Variants in RBFOX1 observed in about 807,000 individuals in gnomAD.
RBFOX1 encodes the protein RNA binding protein fox-1 homolog 1.
A neutral mutation model predicts 57.7 loss-of-function variants in RBFOX1; 8 were observed. That is an observed-to-expected ratio of 0.14 (90% CI 0.08 to 0.25). The LOEUF (loss-of-function observed/expected upper bound fraction) is 0.25, where lower values mean the gene tolerates loss of function less well. Among genes scored for constraint, RBFOX1 ranks in the 10% least tolerant of loss-of-function variants. RBFOX1 has a pLI of 1.00. For synonymous variants in RBFOX1, 326 were observed against 222.4 expected (o/e 1.47, Z -4.15); for missense variants, 611 against 548.5 (o/e 1.11, Z -1.14).
intron 2 of RBFOX1, among the ~76,000 whole-genome samples, chr16:5,541,388 G>T (rs1371087512): frequency 6.6e-6 from 1 of 152,066 alleles, no homozygotes; most frequent in Non-Finnish European, 1.5e-5. Context: ...GCCCAAGGTA[G>T]TCGGGGCACA....
At chr16:6,181,341 CAA>C (rs957481193) in intron 1 of RBFOX1, among the ~76,000 whole-genome samples, 5 of 152,144 alleles carry the variant, frequency 3.3e-5, no homozygotes, top group African/African-American at 4.8e-5. Context: ...TCTAGAATAC[CAA>C]AGAGTCCCAC....
intron 1 of RBFOX1, among the ~76,000 whole-genome samples, chr16:6,212,441 C>T (rs1318757167): frequency 6.6e-6 from 1 of 152,002 alleles, no homozygotes; most frequent in Non-Finnish European, 1.5e-5. Context: ...TGTTTTGGCT[C>T]ACCCCTGTAA....
At chr16:7,557,011 C>A (rs2088750522) in intron 5 of RBFOX1, among the ~76,000 whole-genome samples, 1 of 152,106 alleles carries the variant, frequency 6.6e-6, no homozygotes, top group African/African-American at 2.4e-5. Flanking sequence ...CATGAAACAC[C>A]AATTATATCA....
chr16:5,744,906 G>A (rs1343014682), intron 3 of RBFOX1, among the ~76,000 whole-genome samples: 2 of 152,062 alleles, frequency 1.3e-5, no homozygotes, highest in African/African-American at 4.8e-5. Flanking sequence ...CAAAGTAGCG[G>A]GGATTACAGG....
intron 4 of RBFOX1, among the ~76,000 whole-genome samples, chr16:7,265,509 C>G (rs763838445): frequency 6.6e-6 from 1 of 151,950 alleles, no homozygotes; most frequent in Non-Finnish European, 1.5e-5. Flanking sequence ...AGTGCAGTGG[C>G]ACGATCTCAG....
chr16:6,974,963 A>G (rs905219055), intron 3 of RBFOX1, among the ~76,000 whole-genome samples: 5 of 152,194 alleles, frequency 3.3e-5, no homozygotes, highest in Non-Finnish European at 2.9e-5. Context: ...TTCTAAAAGA[A>G]TCTTCCTCTG....
At chr16:5,500,225 C>CCGTTA (rs553655405) in intron 2 of RBFOX1, among the ~76,000 whole-genome samples, 259 of 145,854 alleles carry the variant, frequency 1.8e-3, no homozygotes, top group African/African-American at 6.1e-3. Flanking sequence ...CCGTTCCGTT[C>CCGTTA]CGTTCCATTC....
exon 1 of RBFOX1, chr16:5,239,945 G>C (rs2333772): frequency 6.6e-7 from 1 of 1,526,246 alleles, no homozygotes; most frequent in Non-Finnish European, 8.8e-7. Context: ...AGGGATGGCC[G>C]GCCCAGGAGG....
intron 3 of RBFOX1, among the ~76,000 whole-genome samples, chr16:6,942,578 G>A (rs766820503): frequency 6.6e-6 from 1 of 152,212 alleles, no homozygotes; most frequent in East Asian, 1.9e-4. Context: ...GTAGACTAAG[G>A]CAAGTGATTG....
At chr16:6,788,173 G>C (rs964448107) in intron 3 of RBFOX1, among the ~76,000 whole-genome samples, 1 of 152,146 alleles carries the variant, frequency 6.6e-6, no homozygotes, top group Non-Finnish European at 1.5e-5. Flanking sequence ...AGTGAGCTGA[G>C]ATCGTGCCAG....
At chr16:5,840,803 A>C (rs1001717287) in intron 3 of RBFOX1, among the ~76,000 whole-genome samples, 1 of 152,074 alleles carries the variant, frequency 6.6e-6, no homozygotes, top group Non-Finnish European at 1.5e-5. Context: ...TGGAAAACAC[A>C]CAGACAAAAC....
intron 4 of RBFOX1, among the ~76,000 whole-genome samples, chr16:7,236,990 G>A (rs2093800263): frequency 1.3e-5 from 2 of 152,220 alleles, no homozygotes; most frequent in African/African-American, 4.8e-5. Context: ...GGCTTTGGAA[G>A]AGGCAAGCCG....
intron 2 of RBFOX1, among the ~76,000 whole-genome samples, chr16:5,553,937 T>C (rs2045571463): frequency 6.6e-6 from 1 of 151,816 alleles, no homozygotes; most frequent in South Asian, 2.1e-4. Flanking sequence ...AGACATGTCT[T>C]ATAATAATCA....
chr16:7,518,453 C>T lies in RBFOX1; in HGVS notation c.270+64C>T. The T allele has an allele frequency of 2.6e-6, 4 of 1,536,872 alleles. No homozygotes were observed. In the South Asian group the frequency reaches 3.8e-5, roughly 15 times the overall value. ...GAGGCGCCCCCAGCCCTGGTAATGG[C>T]AGCGGGGGTGCACCCCCATCTACCC... is the stretch of plus-strand genomic sequence containing the variant. On this transcript the variant is annotated intron_variant, in intron 5 of 15. Transcript: ENST00000550418.
intron 5 of RBFOX1, among the ~76,000 whole-genome samples, chr16:7,553,035 A>G (rs1413400727): frequency 6.6e-6 from 1 of 152,082 alleles, no homozygotes; most frequent in Non-Finnish European, 1.5e-5. Context: ...AGCAAGTCAG[A>G]TATTTCAGGA....
chr16:6,467,062 T>C (rs2095065931), intron 2 of RBFOX1, among the ~76,000 whole-genome samples: 1 of 151,066 alleles, frequency 6.6e-6, no homozygotes, highest in African/African-American at 2.4e-5. Flanking sequence ...ACATATGGGA[T>C]TTTATTTAAT....
intron 3 of RBFOX1, among the ~76,000 whole-genome samples, chr16:7,017,165 C>G (rs1474751672): frequency 6.6e-6 from 1 of 152,092 alleles, no homozygotes; most frequent in African/African-American, 2.4e-5. Context: ...CAAACAGAGT[C>G]GCGGCCAGCA....
chr16:7,112,811 C>T (rs1389214888), intron 4 of RBFOX1, among the ~76,000 whole-genome samples: 1 of 151,942 alleles, frequency 6.6e-6, no homozygotes, highest in East Asian at 1.9e-4. Context: ...CTCATCTGTT[C>T]TAGGCCTCTG....
At chr16:6,596,377 C>G (rs2097776805) in intron 2 of RBFOX1, among the ~76,000 whole-genome samples, 1 of 152,182 alleles carries the variant, frequency 6.6e-6, no homozygotes, top group Non-Finnish European at 1.5e-5. Flanking sequence ...TATTTTCTCA[C>G]TGAATTGACT....
Sources: gnomAD v4.1 joint callset for allele counts (sites outside exome capture counted in the v4.1 genomes callset) on GRCh38, gnomAD v4.1.1 for gene constraint, MANE v1.5 for transcripts, NCBI Gene and HGNC (gene_info 2026-07-23, HGNC 2026-07-21) for gene names.